The following TAF2 variants were observed in gnomAD, a reference collection of about 807,000 sequenced individuals.
The protein encoded by TAF2 is transcription initiation factor TFIID subunit 2.
TAF2 carries 61 observed loss-of-function variants against 138.5 expected under a neutral mutation model. The observed-to-expected ratio is 0.44, with a 90% CI of 0.36 to 0.54. The LOEUF is 0.54. Among genes scored for constraint, TAF2 ranks in the 20% least tolerant of loss-of-function variants. TAF2 has a pLI of 0.00. For synonymous variants in TAF2, 475 were observed against 469.9 expected, an observed-to-expected ratio of 1.01 and a Z score of -0.14; for missense variants, 1,090 against 1,427.9, an observed-to-expected ratio of 0.76 and a Z score of 3.81.
chr8:119,799,176 T>C (rs1824053866), intron 6 of TAF2, among the ~76,000 whole-genome samples: 1 of 152,204 alleles, frequency 6.6e-6, no homozygotes, highest in Non-Finnish European at 1.5e-5. Flanking sequence ...CATTTTTTAT[T>C]ATACTTTAAG....
Position 119,832,611 on chromosome 8 carries a change from G to T in TAF2, c.-47C>A. ...GCTTCCCGGCTTCCTAGGGGGATAC[G>T]GGGCATTACTAGTCTTTGGCACCTC... On this transcript the variant is annotated 5_prime_UTR_variant, in exon 1 of 26. Transcript: ENST00000378164. The T allele has an allele frequency of 6.4e-7, 1 of 1,567,686 alleles. No homozygotes were observed. The highest frequency in any genetic ancestry group is 8.7e-7 in the Non-Finnish European group (1 of 1,144,966).
At chr8:119,806,005 A>G (rs1326888367) in intron 4 of TAF2, among the ~76,000 whole-genome samples, 2 of 151,616 alleles carry the variant, frequency 1.3e-5, no homozygotes, top group African/African-American at 2.4e-5. Flanking sequence ...CCTGGGTTCA[A>G]GCAATTCTCC....
At position 119,783,596 on chromosome 8, in the gene TAF2, C is replaced by G. The variant is rs970468970; in HGVS notation, c.1897G>C (p.Asp633His). Residue 633 changes from aspartate to histidine, a missense_variant, in exon 16 of 26, where the codon GAT becomes CAT. By Grantham distance (81) the Asp-to-His change is moderately conservative. Coordinates refer to ENST00000378164, the MANE Select transcript of TAF2 (RefSeq NM_003184.4). ...TCTACCTTCCTCAATACTGACATAT[C>G]TGGGTCTATCCTTATCCACAGCAAA... The part of the protein sequence containing the change: ...SPLLWIRIDP[D>H]MSVLRKVEFE... The G allele has an allele frequency of 1.2e-6, 2 of 1,614,030 alleles. No homozygotes were observed. Among genetic ancestry groups the G allele is most frequent in the African/African-American group, 2.7e-5 (2 of 74,912 alleles).
At chr8:119,736,241 T>A (rs1007348654) in intron 25 of TAF2, among the ~76,000 whole-genome samples, 1 of 152,328 alleles carries the variant, frequency 6.6e-6, no homozygotes, top group South Asian at 2.1e-4. Context: ...TAAAGAAATA[T>A]TGGTAATAAA....
Position 119,773,092 on chromosome 8 carries a change from C to CA in TAF2, c.2364+4926dup, listed in dbSNP as rs34234495. Among the ~76,000 whole-genome samples, 230 of 135,756 alleles carry CA rather than the reference C, an allele frequency of 1.7e-3. 10 individuals are homozygous for CA. Among genetic ancestry groups the CA allele is most frequent in the Admixed American group, 7.7e-3 (98 of 12,718 alleles). 89.1% of individuals were successfully genotyped at this position (135,756 alleles called of 152,430 possible). ...TTGAAAAAGCAAGCTTGGATTTTCT[C>CA]AAAAAAAAAAAAAACCTATGGTTAC... is the stretch of plus-strand genomic sequence containing the variant. On this transcript the variant is annotated intron_variant, in intron 18 of 25. Coordinates refer to ENST00000378164, the MANE Select transcript of TAF2 (RefSeq NM_003184.4).
chr8:119,742,840 G>A (rs2130995491), intron 24 of TAF2, among the ~76,000 whole-genome samples, 184 bp from the exon 25 acceptor site: 1 of 152,140 alleles, frequency 6.6e-6, no homozygotes. Flanking sequence ...CCAATGCTTT[G>A]GGAGGCTGAG....
rs1822200820 is a variant in TAF2, at chr8:119,775,950, C to G, written c.2364+2069G>C. Among the ~76,000 whole-genome samples, 3 of 152,028 alleles carry G rather than the reference C, an allele frequency of 2.0e-5. No homozygotes were observed. In the South Asian group the frequency reaches 6.2e-4, roughly 32 times the overall value. ...GTTACCAGTTATTAGTTTTATTATT[C>G]TAATTTAGTATTAAATTACATGAAA... On this transcript the variant is annotated intron_variant, in intron 18 of 25. Transcript: ENST00000378164.
At chr8:119,776,293 ATGT>A (rs1822229934) in intron 18 of TAF2, among the ~76,000 whole-genome samples, 1 of 151,078 alleles carries the variant, frequency 6.6e-6, no homozygotes, top group Non-Finnish European at 1.5e-5. Context: ...TAAAGAGGCA[ATGT>A]TGTTTTCTTG....
chr8:119,768,250 C>CT (rs1164232157), intron 18 of TAF2, among the ~76,000 whole-genome samples: 37 of 152,202 alleles, frequency 2.4e-4, no homozygotes, highest in Non-Finnish European at 8.8e-5. Context: ...CTGCCTGAGG[C>CT]TTCCCATACA....
At chr8:119,794,123 C>T (rs1225353408) in intron 9 of TAF2, among the ~76,000 whole-genome samples, 4 of 151,994 alleles carry the variant, frequency 2.6e-5, no homozygotes, top group Non-Finnish European at 4.4e-5. Flanking sequence ...TGAAGACGGG[C>T]GCAGTGGCTC....
intron 25 of TAF2, among the ~76,000 whole-genome samples, chr8:119,740,692 A>AAAGAAG (rs141250378): frequency 4.4e-5 from 6 of 137,586 alleles, no homozygotes; most frequent in Admixed American, 7.5e-5. Context: ...AAAGAAAAGA[A>AAAGAAG]AAGAAGAAGA....
chr8:119,826,867 T>C (rs1175904927), intron 2 of TAF2, among the ~76,000 whole-genome samples: 1 of 152,162 alleles, frequency 6.6e-6, no homozygotes, highest in Non-Finnish European at 1.5e-5. Flanking sequence ...GTTATAGGCG[T>C]GAGCCACCAC....
intron 2 of TAF2, among the ~76,000 whole-genome samples, chr8:119,830,428 T>C (rs1826372627): frequency 6.6e-6 from 1 of 152,162 alleles, no homozygotes; most frequent in Admixed American, 6.5e-5. Context: ...ACTTCACCAT[T>C]TCTCCCCTAG....
chr8:119,797,949 A>G (rs1048391396), intron 6 of TAF2, 103 bp from the exon 7 acceptor site: 21 of 1,094,928 alleles, frequency 1.9e-5, no homozygotes, highest in East Asian at 5.2e-5. Flanking sequence ...TCATAAATCT[A>G]TTCTTTAATA....
intron 22 of TAF2, among the ~76,000 whole-genome samples, chr8:119,748,181 A>T (rs570745597): frequency 2.0e-5 from 3 of 151,900 alleles, no homozygotes; most frequent in Non-Finnish European, 4.4e-5. Context: ...GCCCTTAAAT[A>T]CCTAATTTTT....
intron 2 of TAF2, among the ~76,000 whole-genome samples, chr8:119,828,999 CAT>C (rs1344306727): frequency 5.3e-5 from 8 of 152,346 alleles, no homozygotes; most frequent in African/African-American, 1.4e-4. Flanking sequence ...AGTAGTCAGC[CAT>C]TACCAACTCT....
At chr8:119,816,578 A>G (rs1825492714) in intron 3 of TAF2, among the ~76,000 whole-genome samples, 1 of 152,358 alleles carries the variant, frequency 6.6e-6, no homozygotes, top group Non-Finnish European at 1.5e-5. Context: ...TTCATTAAAG[A>G]AAGAAAGTTA....
chr8:119,796,802 G>T (rs1470020281), intron 8 of TAF2, among the ~76,000 whole-genome samples, 188 bp downstream of exon 8: 1 of 151,794 alleles, frequency 6.6e-6, no homozygotes, highest in Non-Finnish European at 1.5e-5. Flanking sequence ...AAATATAAGT[G>T]ACTATATTGA....
chr8:119,779,294 G>A (rs533651286), intron 17 of TAF2, among the ~76,000 whole-genome samples: 6 of 144,306 alleles, frequency 4.2e-5, no homozygotes, highest in African/African-American at 1.3e-4. Flanking sequence ...CAGATGCAAC[G>A]TATACAAATT....
Sources: gnomAD v4.1 joint callset for allele counts (sites outside exome capture counted in the v4.1 genomes callset) on GRCh38, gnomAD v4.1.1 for gene constraint, MANE v1.5 for transcripts, NCBI Gene and HGNC (gene_info 2026-07-23, HGNC 2026-07-21) for gene names.